The following OPRM1 variants were observed in gnomAD, a reference collection of about 807,000 sequenced individuals.
OPRM1 encodes the protein mu-type opioid receptor.
In OPRM1, 27 loss-of-function variants were observed where a neutral mutation model predicts 31.8. That is an observed-to-expected ratio of 0.85 (90% CI 0.63 to 1.17). OPRM1 has a LOEUF of 1.17. Ranked by LOEUF, OPRM1 falls within the 50% of genes most tolerant of loss-of-function variation. The probability of loss-of-function intolerance (pLI) is 0.00; values close to 1 mark genes in which losing one functional copy is unlikely to be tolerated. For synonymous variants in OPRM1, 196 were observed against 189.9 expected (o/e 1.03, Z -0.26); for missense variants, 536 against 511.1 (o/e 1.05, Z -0.47).
rs931711629 is a variant in OPRM1 at position 154,130,672 on chromosome 6, G to A, written c.*11951G>A. Among the ~76,000 whole-genome samples, 11 of 151,444 alleles carry A rather than the reference G, an allele frequency of 7.3e-5. No individual in the cohort carries two copies. The highest frequency in any genetic ancestry group is 1.3e-4 in the Non-Finnish European group (9 of 67,900). ...ATACTAATTGTATATCCATATAAAA[G>A]CATTAGTACCATTATATGAAAGTAT... On this transcript the variant is annotated 3_prime_UTR_variant, in exon 4 of 4. Transcript: ENST00000330432.
At chr6:154,077,680 G>A (rs570773450) in intron 1 of OPRM1, among the ~76,000 whole-genome samples, 48 of 151,802 alleles carry the variant, frequency 3.2e-4, no homozygotes, top group African/African-American at 1.0e-3. Flanking sequence ...GCAGTGACCC[G>A]AGCTAGCACC....
chr6:154,211,441 A>T (rs1411936373), intron 3 of OPRM1, among the ~76,000 whole-genome samples: 1 of 151,898 alleles, frequency 6.6e-6, no homozygotes, highest in Non-Finnish European at 1.5e-5. Flanking sequence ...AAGGAAAAGC[A>T]TGTCCTATAA....
chr6:154,059,394 C>T (rs1783963753), intron 1 of OPRM1, among the ~76,000 whole-genome samples: 1 of 152,178 alleles, frequency 6.6e-6, no homozygotes, highest in African/African-American at 2.4e-5. Context: ...CTGTCCTCGA[C>T]AGCATCATTA....
rs186427736 is a variant in OPRM1 at position 154,130,207 on chromosome 6, C to T, written c.*11486C>T. Among the ~76,000 whole-genome samples the T allele has an allele frequency of 2.8e-3, 400 of 143,262 alleles. 4 individuals are homozygous for T. The highest frequency in any genetic ancestry group is 9.9e-3 in the African/African-American group (382 of 38,672). The allele number at this position is 143,262 out of a possible 152,430, so 94.0% of individuals were successfully genotyped here. ...TTTTTTTGATGGAGTCTCACTCTGT[C>T]GCCCAGGCTGGAGTGCAGTGGCTCA... On this transcript the variant is annotated 3_prime_UTR_variant, in exon 4 of 4. Transcript: ENST00000330432.
At chr6:154,143,575 A>T (rs1029163030) in intron 3 of OPRM1, among the ~76,000 whole-genome samples, 4 of 152,224 alleles carry the variant, frequency 2.6e-5, no homozygotes, top group Non-Finnish European at 5.9e-5. Flanking sequence ...GGAGACAGAT[A>T]GATGCTATGG....
At chr6:154,182,792 A>G (rs911297175) in intron 3 of OPRM1, among the ~76,000 whole-genome samples, 2 of 152,138 alleles carry the variant, frequency 1.3e-5, no homozygotes, top group African/African-American at 4.8e-5. Context: ...GGATCCATCA[A>G]CCATGTGGAT....
intron 3 of OPRM1, among the ~76,000 whole-genome samples, chr6:154,245,281 T>A (rs1780935337): frequency 8.1e-6 from 1 of 123,466 alleles, no homozygotes; most frequent in Non-Finnish European, 1.8e-5. Flanking sequence ...ACTCACCAAA[T>A]GCTTGGAAAA....
intron 3 of OPRM1, among the ~76,000 whole-genome samples, chr6:154,164,789 A>AT (rs1312638510): frequency 6.6e-6 from 1 of 152,234 alleles, no homozygotes; most frequent in Non-Finnish European, 1.5e-5. Context: ...CATTCCATTA[A>AT]TAACTTATTT....
intron 1 of OPRM1, among the ~76,000 whole-genome samples, chr6:154,072,334 T>C (rs1208970645): frequency 1.3e-5 from 2 of 152,086 alleles, no homozygotes; most frequent in Non-Finnish European, 2.9e-5. Flanking sequence ...TCCAGAAGCT[T>C]ATAAACCAAT....
At position 154,167,876 on chromosome 6, in the gene OPRM1, G is replaced by A. The variant is rs368272275; in HGVS notation, c.1164+76404G>A. The A allele has an allele frequency of 1.6e-5, 22 of 1,418,390 alleles. No individual in the cohort carries two copies. In the African/African-American group the frequency reaches 3.1e-4, roughly 20 times the overall value. 87.9% of individuals were successfully genotyped at this position (1,418,390 alleles called of 1,614,324 possible). Reference sequence around the variant, plus strand: ...CTCTCTGCAGAACCAGCCGTTCCTTGCCCCACATCCATAGAGTTCATCCAC... The same window carrying A: ...CTCTCTGCAGAACCAGCCGTTCCTTACCCCACATCCATAGAGTTCATCCAC... On this transcript the variant is annotated intron_variant, in intron 3 of 3. Coordinates refer to the OPRM1 transcript ENST00000337049.
At chr6:154,054,185 C>T (rs936120389) in intron 1 of OPRM1, among the ~76,000 whole-genome samples, 3 of 151,578 alleles carry the variant, frequency 2.0e-5, no homozygotes, top group African/African-American at 2.4e-5. Context: ...CTGGCTAACA[C>T]GGTGAAACCC....
chr6:154,161,025 T>C (rs1798970502), intron 3 of OPRM1, among the ~76,000 whole-genome samples: 1 of 152,142 alleles, frequency 6.6e-6, no homozygotes, highest in Non-Finnish European at 1.5e-5. Flanking sequence ...CTGCTTCCTT[T>C]TGACTTCCCA....
intron 3 of OPRM1, among the ~76,000 whole-genome samples, chr6:154,245,329 G>T (rs568061180): frequency 6.6e-6 from 1 of 151,980 alleles, no homozygotes; most frequent in Non-Finnish European, 1.5e-5. Context: ...GAGGAGCTTT[G>T]TGCCACATTT....
intron 3 of OPRM1, among the ~76,000 whole-genome samples, chr6:154,096,604 T>C (rs1162133193): frequency 6.6e-6 from 1 of 152,106 alleles, no homozygotes; most frequent in Non-Finnish European, 1.5e-5. Context: ...ATGTACAGAT[T>C]CAAAAGTGCT....
Position 154,100,033 on chromosome 6 carries a change from T to A in OPRM1, c.1164+8561T>A, listed in dbSNP as rs1794377312. Among the ~76,000 whole-genome samples, 3 of 78,306 alleles carry A rather than the reference T, an allele frequency of 3.8e-5. No individual in the cohort carries two copies. In the South Asian group the frequency reaches 1.4e-3, roughly 36 times the overall value. The allele number at this position is 78,306 out of a possible 152,430, so 51.4% of individuals were successfully genotyped here. A position where few individuals can be genotyped will look rare whatever the true frequency, so the allele number is the denominator to read the frequency against. On this transcript the variant is annotated intron_variant, in intron 3 of 3. Transcript: ENST00000330432. ...GATATATATCATAACATATTATATA[T>A]TATCATATGATATATATCATATGAT...
chr6:154,192,291 T>C lies in OPRM1; in HGVS notation c.1165-54402T>C, dbSNP rs537554078. The stretch of plus-strand genomic sequence containing the variant: ...TAATTTGCTGGCTGATTTCTGTTTC[T>C]TGACCCAAATGGTGGCCACGTGGTT... On this transcript the variant is annotated intron_variant, in intron 3 of 3. Transcript: ENST00000337049. Among the ~76,000 whole-genome samples the C allele has an allele frequency of 5.3e-5, 8 of 151,444 alleles. No homozygotes were observed. The East Asian group carries it at 7.8e-4, about 15-fold the overall frequency.
At chr6:154,159,745 T>C in intron 3 of OPRM1, 2 of 1,127,438 alleles carry the variant, frequency 1.8e-6, no homozygotes, top group Non-Finnish European at 2.6e-6. Flanking sequence ...TCAGTTTTCC[T>C]TTTAAGGAAA....
chr6:154,238,439 A>G (rs574071818), intron 3 of OPRM1, among the ~76,000 whole-genome samples: 1 of 151,976 alleles, frequency 6.6e-6, no homozygotes, highest in Non-Finnish European at 1.5e-5. Flanking sequence ...ATATATATAT[A>G]TATTTTAATA....
intron 3 of OPRM1, among the ~76,000 whole-genome samples, chr6:154,099,305 AAGAAAGGAAGGAAGGAAGGAAGGAAGGG>A (rs1158627147): frequency 1.4e-3 from 77 of 53,836 alleles, no homozygotes; most frequent in African/African-American, 6.2e-3. Flanking sequence ...GGAAGGAAGG[AAGAAAGGAAGGAAGGAAGGAAGGAAGGG>A]AGGGAGGAAG....
Sources: allele counts gnomAD v4.1 joint callset (sites outside exome capture counted in the v4.1 genomes callset), GRCh38; gene constraint gnomAD v4.1.1; transcripts MANE v1.5; gene names NCBI Gene and HGNC (gene_info 2026-07-23, HGNC 2026-07-21).